CADM2: variants seen among roughly 807,000 people sequenced by gnomAD.
CADM2 encodes the protein cell adhesion molecule 2.
A neutral mutation model predicts 49.8 loss-of-function variants in CADM2; 12 were observed. That is an observed-to-expected ratio of 0.24 (90% CI 0.15 to 0.39). The LOEUF (loss-of-function observed/expected upper bound fraction) is 0.39, where lower values mean the gene tolerates loss of function less well. CADM2 is among the 10% of genes least tolerant of loss of function. The probability of loss-of-function intolerance (pLI) is 1.00; values close to 1 mark genes in which losing one functional copy is unlikely to be tolerated. For missense variants in CADM2, 378 were observed against 492.3 expected (o/e 0.77, Z 2.20); for synonymous variants, 214 against 175.4 (o/e 1.22, Z -1.74).
chr3:85,186,719 C>T (rs1455252646), intron 1 of CADM2, among the ~76,000 whole-genome samples: 2 of 151,792 alleles, frequency 1.3e-5, no homozygotes, highest in Non-Finnish European at 2.9e-5. Flanking sequence ...TCGGAAACGT[C>T]TCCAGAGGTT....
At chr3:85,766,221 A>G (rs1014242967) in intron 2 of CADM2, among the ~76,000 whole-genome samples, 1 of 152,102 alleles carries the variant, frequency 6.6e-6, no homozygotes, top group African/African-American at 2.4e-5. Context: ...GCAAGTGCCA[A>G]TTCTCCATAT....
chr3:85,376,431 G>C (rs1319381765), intron 1 of CADM2, among the ~76,000 whole-genome samples: 3 of 151,838 alleles, frequency 2.0e-5, no homozygotes, highest in Non-Finnish European at 4.4e-5. Flanking sequence ...ATGTAGCAAA[G>C]GAGGAAAAAT....
chr3:85,810,532 G>GTTT lies in CADM2; in HGVS notation c.238+8358_238+8360dup, dbSNP rs71112120. On this transcript the variant is annotated intron_variant, in intron 3 of 9. Transcript: ENST00000383699. ...TTAAAGTATATGCTCATAGAATTCT[G>GTTT]TTTTTTTTTTTTTTTTTTTTTTTTG... Among the ~76,000 whole-genome samples, 280 of 87,188 alleles carry GTTT rather than the reference G, an allele frequency of 3.2e-3. 4 individuals are homozygous for GTTT. Among genetic ancestry groups the GTTT allele is most frequent in the Non-Finnish European group, 4.5e-3 (214 of 47,246 alleles). 57.2% of individuals were successfully genotyped at this position (87,188 alleles called of 152,430 possible).
intron 1 of CADM2, among the ~76,000 whole-genome samples, chr3:85,182,312 C>T (rs2040956637): frequency 6.6e-6 from 1 of 152,038 alleles, no homozygotes; most frequent in Non-Finnish European, 1.5e-5. Flanking sequence ...ATTTACATTT[C>T]AGAAACCTGG....
intron 2 of CADM2, among the ~76,000 whole-genome samples, chr3:85,774,349 A>G (rs907414993): frequency 2.0e-5 from 3 of 151,822 alleles, no homozygotes; most frequent in Non-Finnish European, 2.9e-5. Flanking sequence ...TTCTTAACAT[A>G]AGAAAAAGGC....
intron 1 of CADM2, among the ~76,000 whole-genome samples, chr3:85,213,894 C>T (rs986319997): frequency 3.9e-5 from 6 of 152,102 alleles, no homozygotes; most frequent in Non-Finnish European, 7.3e-5. Flanking sequence ...GCATGTTCAA[C>T]TCCATAATGT....
chr3:85,153,855 C>A (rs2040013445), intron 1 of CADM2, among the ~76,000 whole-genome samples: 1 of 152,150 alleles, frequency 6.6e-6, no homozygotes, highest in Non-Finnish European at 1.5e-5. Flanking sequence ...GCCTGGTACT[C>A]CAACAGACCT....
chr3:85,953,190 G>A (rs912959776), intron 7 of CADM2, among the ~76,000 whole-genome samples: 9 of 150,622 alleles, frequency 6.0e-5, no homozygotes, highest in South Asian at 4.2e-4. Flanking sequence ...TCTGCTTTTC[G>A]TCCTATAGAC....
At chr3:85,345,319 A>AAC in intron 1 of CADM2, among the ~76,000 whole-genome samples, 1 of 149,744 alleles carries the variant, frequency 6.7e-6, no homozygotes, top group Non-Finnish European at 1.5e-5. Flanking sequence ...ATCTCAAAAA[A>AAC]AAAAAAAAAA....
intron 1 of CADM2, among the ~76,000 whole-genome samples, chr3:85,657,282 GT>G (rs2065228995): frequency 1.3e-5 from 2 of 151,962 alleles, no homozygotes; most frequent in South Asian, 4.1e-4. Context: ...TTCAGCTTTG[GT>G]TTTCTTGTTG....
chr3:85,446,679 C>T (rs1359226010), intron 1 of CADM2, among the ~76,000 whole-genome samples: 2 of 148,926 alleles, frequency 1.3e-5, no homozygotes, highest in South Asian at 2.1e-4. Context: ...CTCAGCTCAC[C>T]GCAACCTCCC....
intron 1 of CADM2, among the ~76,000 whole-genome samples, chr3:85,100,272 T>TTA (rs2037962486): frequency 6.6e-6 from 1 of 152,218 alleles, no homozygotes. Context: ...CATGTCTAAT[T>TTA]AAGTTCTGCT....
chr3:85,980,720 T>C (rs943688427), intron 8 of CADM2, among the ~76,000 whole-genome samples: 1 of 151,582 alleles, frequency 6.6e-6, no homozygotes, highest in Non-Finnish European at 1.5e-5. Context: ...TTTGTGATGC[T>C]CTGTAAGGTT....
intron 1 of CADM2, among the ~76,000 whole-genome samples, chr3:85,458,586 C>A (rs1424758814): frequency 1.3e-5 from 2 of 152,108 alleles, no homozygotes; most frequent in East Asian, 1.9e-4. Context: ...AATTTGATTT[C>A]TCCTCTCATT....
chr3:85,770,841 C>G (rs963987035), intron 2 of CADM2, among the ~76,000 whole-genome samples: 1 of 152,134 alleles, frequency 6.6e-6, no homozygotes, highest in African/African-American at 2.4e-5. Context: ...TTACTTTCTA[C>G]TTCTCTAAAT....
chr3:85,726,442 A>G lies in CADM2; in HGVS notation c.62-80A>G, dbSNP rs754516232. ...CTCTTTAGACTTTAATAGCAATAAC[A>G]TCTCTGCTTTCTTACTAGAGAATCT... On this transcript the variant is annotated intron_variant, in intron 1 of 9. Transcript: ENST00000383699. 1.8e-5 allele frequency: 26 copies of G among 1,457,112 alleles called. No homozygotes were observed. The Admixed American group carries it at 2.5e-4, about 14-fold the overall frequency. The allele number at this position is 1,457,112 out of a possible 1,614,324, so 90.3% of individuals were successfully genotyped here.
rs1179701912 is a variant in CADM2, at chr3:85,348,025, C to T, written c.62-378497C>T. 3.3e-5 allele frequency among the ~76,000 whole-genome samples: 5 copies of T among 151,994 alleles called. No individual in the cohort carries two copies. In the East Asian group the frequency reaches 9.7e-4, roughly 29 times the overall value. On this transcript the variant is annotated intron_variant, in intron 1 of 9. Coordinates refer to ENST00000383699, the MANE Select transcript of CADM2 (RefSeq NM_001167675.2). ...GTTTTCGCCATGATAACCAAGCTGGCCTTGAACTCCTGAACCTCAATTGAT... is the reference window on the plus strand; with the variant it reads ...GTTTTCGCCATGATAACCAAGCTGGTCTTGAACTCCTGAACCTCAATTGAT...
chr3:86,055,347 A>G (rs1435444171), intron 8 of CADM2, among the ~76,000 whole-genome samples: 1 of 151,734 alleles, frequency 6.6e-6, no homozygotes, highest in African/African-American at 2.4e-5. Flanking sequence ...AGGCAGATTC[A>G]ATGTTTGGTG....
intron 1 of CADM2, among the ~76,000 whole-genome samples, chr3:85,618,846 A>C (rs2063880002): frequency 6.6e-6 from 1 of 152,012 alleles, no homozygotes; most frequent in African/African-American, 2.4e-5. Context: ...CTTATTGCCA[A>C]TATTTGCAAA....
Sources: allele counts gnomAD v4.1 joint callset (sites outside exome capture counted in the v4.1 genomes callset), GRCh38; gene constraint gnomAD v4.1.1; transcripts MANE v1.5; gene names NCBI Gene and HGNC (gene_info 2026-07-23, HGNC 2026-07-21).